The following ABCA10 variants were observed in gnomAD, a reference collection of about 807,000 sequenced individuals.
The protein encoded by ABCA10 is ATP binding cassette subfamily A member 10.
A neutral mutation model predicts 187.5 loss-of-function variants in ABCA10; 169 were observed. That is an observed-to-expected ratio of 0.90 (90% CI 0.80 to 1.02). The LOEUF (loss-of-function observed/expected upper bound fraction) is 1.02, where lower values mean the gene tolerates loss of function less well. ABCA10 is among the 50% of genes least tolerant of loss of function. The pLI is 0.00. For missense variants in ABCA10, 1,727 were observed against 1,812.4 expected (o/e 0.95, Z 0.86); for synonymous variants, 574 against 601.8 (o/e 0.95, Z 0.68).
chr17:69,162,060 C>A (rs1262094636), intron 27 of ABCA10, among the ~76,000 whole-genome samples: 1 of 152,220 alleles, frequency 6.6e-6, no homozygotes, highest in African/African-American at 2.4e-5. Context: ...GACATCTCAA[C>A]TGATTCAATT....
intron 28 of ABCA10, among the ~76,000 whole-genome samples, chr17:69,156,326 G>A (rs1420066985): frequency 6.6e-6 from 1 of 152,140 alleles, no homozygotes; most frequent in Non-Finnish European, 1.5e-5. Flanking sequence ...GCCACAACCA[G>A]GAGAAAAGCA....
At chr17:69,222,487 C>A in intron 4 of ABCA10, 46 bp downstream of exon 4, 1 of 1,419,814 alleles carries the variant, frequency 7.0e-7, no homozygotes, top group Non-Finnish European at 9.4e-7. Flanking sequence ...ACAGGGGATT[C>A]CATGAAGTAT....
intron 25 of ABCA10, among the ~76,000 whole-genome samples, chr17:69,172,878 C>T (rs1258000636): frequency 2.6e-5 from 4 of 151,778 alleles, no homozygotes; most frequent in Non-Finnish European, 5.9e-5. Flanking sequence ...AGCATAAGAA[C>T]AATAAAAGTT....
chr17:69,155,919 A>G lies in ABCA10; in HGVS notation c.3462T>C (p.Ser1154=). 1 of 1,613,006 alleles carries G rather than the reference A, an allele frequency of 6.2e-7. No individual in the cohort carries two copies. Among genetic ancestry groups the G allele is most frequent in the Non-Finnish European group, 8.5e-7 (1 of 1,179,430 alleles). The change falls in exon 29 of 39, where the codon TCT becomes TCC. Residue 1154 remains serine (S), a synonymous_variant. Coordinates refer to ENST00000690296, the MANE Select transcript of ABCA10 (RefSeq NM_001377321.1). ...IMNKDPVFRI[S]PRSRETHPNP... is the part of the protein sequence containing the mutation. The stretch of plus-strand genomic sequence containing the variant: ...TGGGATGAGTTTCTCTACTCCGTGG[A>G]GAGATTCTACAGAGGAAATAAAATA...
intron 25 of ABCA10, among the ~76,000 whole-genome samples, chr17:69,173,039 A>G (rs1329432582): frequency 6.6e-6 from 1 of 152,188 alleles, no homozygotes; most frequent in East Asian, 1.9e-4. Context: ...CCAGACTTCA[A>G]TGCACCAAAC....
intron 25 of ABCA10, among the ~76,000 whole-genome samples, chr17:69,169,787 T>C (rs1450543379): frequency 1.3e-5 from 2 of 152,168 alleles, no homozygotes; most frequent in Non-Finnish European, 2.9e-5. Flanking sequence ...ATAAACAGTG[T>C]TTCTTCCGTA....
intron 6 of ABCA10, among the ~76,000 whole-genome samples, chr17:69,217,481 C>A (rs1471005384): frequency 6.6e-6 from 1 of 152,150 alleles, no homozygotes; most frequent in African/African-American, 2.4e-5. Flanking sequence ...CAGCTTTATT[C>A]ATAAATGCCA....
chr17:69,212,580 G>A (rs578107266), intron 9 of ABCA10, among the ~76,000 whole-genome samples: 12 of 152,160 alleles, frequency 7.9e-5, no homozygotes, highest in Middle Eastern at 3.4e-3. Flanking sequence ...CACTATTATC[G>A]TGTTGCCATT....
intron 9 of ABCA10, among the ~76,000 whole-genome samples, chr17:69,211,323 A>ATGTG (rs1568070245): frequency 9.3e-5 from 1 of 10,726 alleles, no homozygotes; most frequent in African/African-American, 3.0e-4. Flanking sequence ...TGATATATAT[A>ATGTG]TATATATATA....
At chr17:69,174,421 G>T in intron 24 of ABCA10, 27 bp from the exon 25 acceptor site, 1 of 1,539,450 alleles carries the variant, frequency 6.5e-7, no homozygotes, top group Non-Finnish European at 8.8e-7. Context: ...TCAATGGCAA[G>T]ATTAGAAATG....
rs1241967134 is a variant in ABCA10 at position 69,193,981 on chromosome 17, TG to T, written c.1353del (p.Thr452LeufsTer10). The T allele has an allele frequency of 6.3e-7, 1 of 1,591,530 alleles. No individual in the cohort carries two copies. Among genetic ancestry groups the T allele is most frequent in the Non-Finnish European group, 8.6e-7 (1 of 1,168,160 alleles). On this transcript the variant is annotated frameshift_variant, in exon 13 of 39. Coordinates refer to ENST00000690296, the MANE Select transcript of ABCA10 (RefSeq NM_001377321.1). LOFTEE classifies it high-confidence loss of function. ...SGLSVSTEGS[A>X]TIYNTQLSEI... ...TCAGAGAGTTGAGTATTATAAATAG[TG>T]GCTGATCCTATAAATAGAAATTTAA...
At chr17:69,235,405 G>A (rs2074861379) in intron 1 of ABCA10, among the ~76,000 whole-genome samples, 1 of 152,174 alleles carries the variant, frequency 6.6e-6, no homozygotes. Context: ...TGAATGGCTA[G>A]GAGTATCCTC....
intron 24 of ABCA10, 34 bp downstream of exon 24, chr17:69,174,570 CTAT>C: frequency 6.6e-7 from 1 of 1,526,382 alleles, no homozygotes; most frequent in Non-Finnish European, 8.8e-7. Flanking sequence ...TTTGATTCTA[CTAT>C]TATAATTGGC....
chr17:69,176,706 C>G (rs576792448), intron 22 of ABCA10, among the ~76,000 whole-genome samples: 2 of 152,194 alleles, frequency 1.3e-5, no homozygotes, highest in African/African-American at 4.8e-5. Context: ...GGTTGATGCA[C>G]ATATCTGTTT....
chr17:69,193,160 C>G lies in ABCA10; in HGVS notation c.1730G>C (p.Arg577Pro), dbSNP rs546114873. ...WSLLKEHKVDRLILFSTQFMD... is the reference protein window; with the variant it reads ...WSLLKEHKVDPLILFSTQFMD... The stretch of plus-strand genomic sequence containing the variant: ...GAATTGGGTACTGAAGAGGATAAGT[C>G]GGTCTACTTTATGCTCCTTCAGGAG... Residue 577 changes from arginine to proline, a missense_variant, in exon 15 of 39, where the codon CGA (arginine) becomes CCA (proline). By Grantham distance (103) the Arg-to-Pro change is moderately radical. Transcript: ENST00000690296. The G allele has an allele frequency of 1.2e-6, 2 of 1,613,960 alleles. No homozygotes were observed. Among genetic ancestry groups the G allele is most frequent in the East Asian group, 4.5e-5 (2 of 44,854 alleles).
chr17:69,174,860 T>A (rs1487816336), intron 23 of ABCA10, 83 bp from the exon 24 acceptor site: 3 of 1,269,094 alleles, frequency 2.4e-6, no homozygotes, highest in Non-Finnish European at 3.2e-6. Flanking sequence ...GTTTAATAAA[T>A]TTTAGAAATA....
At chr17:69,212,579 C>T (rs191034697) in intron 9 of ABCA10, among the ~76,000 whole-genome samples, 105 of 152,206 alleles carry the variant, frequency 6.9e-4, no homozygotes, top group Middle Eastern at 3.4e-3. Flanking sequence ...CCACTATTAT[C>T]GTGTTGCCAT....
At chr17:69,239,759 G>A (rs762330190) in intron 1 of ABCA10, among the ~76,000 whole-genome samples, 12 of 152,090 alleles carry the variant, frequency 7.9e-5, no homozygotes, top group Non-Finnish European at 1.6e-4. Flanking sequence ...GTGTTATCAT[G>A]GTATCACTTA....
intron 18 of ABCA10, among the ~76,000 whole-genome samples, chr17:69,189,879 A>G (rs967212071): frequency 3.3e-5 from 5 of 152,150 alleles, no homozygotes; most frequent in Non-Finnish European, 5.9e-5. Context: ...CCGTTGGTCT[A>G]TGTATAGTAG....
Sources: gnomAD v4.1 joint callset for allele counts (sites outside exome capture counted in the v4.1 genomes callset) on GRCh38, gnomAD v4.1.1 for gene constraint, MANE v1.5 for transcripts, NCBI Gene and HGNC (gene_info 2026-07-23, HGNC 2026-07-21) for gene names.